Variants in HERC3 observed in about 807,000 individuals in gnomAD.
The protein encoded by HERC3 is probable E3 ubiquitin-protein ligase HERC3.
A neutral mutation model predicts 129.9 loss-of-function variants in HERC3; 58 were observed. The ratio of observed to expected loss-of-function variants is 0.45; its 90% CI spans 0.36 to 0.56. HERC3 has a LOEUF of 0.56. HERC3 is among the 20% of genes least tolerant of loss of function. The pLI, the probability that HERC3 is intolerant of heterozygous loss-of-function variation, is 0.00. For missense variants in HERC3, 835 were observed against 1,244.2 expected (o/e 0.67, Z 4.95); for synonymous variants, 430 against 451.0 (o/e 0.95, Z 0.59).
chr4:88,527,796 G>T, the HERC3 span: 1 of 328,148 alleles, frequency 3.0e-6, no homozygotes, highest in South Asian at 2.9e-5. Flanking sequence ...TCCTTGCTGA[G>T]GTGATCTTGG....
At position 88,638,340 on chromosome 4, in the gene HERC3, T is replaced by G. The variant is rs186604331; in HGVS notation, c.227-11500T>G. 7.0e-3 allele frequency among the ~76,000 whole-genome samples: 1,072 copies of G among 152,302 alleles called. 12 individuals are homozygous for G. The highest frequency in any genetic ancestry group is 0.024 in the African/African-American group (1,016 of 41,562). ...TTGATGAACATCAGTGTGAAAATCC[T>G]CAATAAAATACTGGCAAACCAAATC... On this transcript the variant is annotated intron_variant, in intron 3 of 25. Coordinates refer to ENST00000402738, the MANE Select transcript of HERC3 (RefSeq NM_014606.3).
At chr4:88,574,611 C>T in the HERC3 span, among the ~76,000 whole-genome samples, 1 of 152,188 alleles carries the variant, frequency 6.6e-6, no homozygotes, top group African/African-American at 2.4e-5. Context: ...CCCTGACAAT[C>T]ATTCTGCTGT....
At chr4:88,645,504 A>G (rs567288803) in intron 3 of HERC3, among the ~76,000 whole-genome samples, 9 of 152,290 alleles carry the variant, frequency 5.9e-5, no homozygotes, top group Admixed American at 3.3e-4. Context: ...TATATACTGT[A>G]TATAGTAGTC....
intron 19 of HERC3, among the ~76,000 whole-genome samples, chr4:88,678,612 T>C (rs567636255): frequency 1.3e-5 from 2 of 152,362 alleles, no homozygotes; most frequent in South Asian, 4.1e-4. Flanking sequence ...TCTCTCTCCA[T>C]ATATCATGCA....
chr4:88,598,546 CAAAG>C (rs1319135098), intron 2 of HERC3, among the ~76,000 whole-genome samples: 1 of 152,214 alleles, frequency 6.6e-6, no homozygotes, highest in Admixed American at 6.5e-5. Context: ...GCTGAAATCT[CAAAG>C]AAGAGCACTA....
At chr4:88,546,939 A>G in the HERC3 span, among the ~76,000 whole-genome samples, 5 of 152,182 alleles carry the variant, frequency 3.3e-5, no homozygotes, top group African/African-American at 1.2e-4. Context: ...ACCATGTGAC[A>G]TAGTTCCTAG....
the HERC3 span, among the ~76,000 whole-genome samples, chr4:88,549,825 G>T: frequency 1.3e-5 from 2 of 151,870 alleles, no homozygotes; most frequent in Non-Finnish European, 2.9e-5. Flanking sequence ...CTGCCTCAGT[G>T]TGAGAAAACA....
the HERC3 span, among the ~76,000 whole-genome samples, chr4:88,552,389 A>G: frequency 6.6e-6 from 1 of 152,012 alleles, no homozygotes; most frequent in African/African-American, 2.4e-5. Context: ...AGTAGCTGAG[A>G]TTACAGGCAC....
At chr4:88,595,149 T>C (rs573192162) in intron 1 of HERC3, among the ~76,000 whole-genome samples, 1 of 150,782 alleles carries the variant, frequency 6.6e-6, no homozygotes, top group East Asian at 1.9e-4. Flanking sequence ...GAGACAGTCT[T>C]CATAACAGTT....
chr4:88,656,245 G>A (rs568765138), intron 9 of HERC3: 6 of 567,004 alleles, frequency 1.1e-5, no homozygotes, highest in Non-Finnish European at 1.9e-5. Context: ...ATACTGTTGT[G>A]TTAGGCCGTT....
At chr4:88,595,674 T>G (rs1367107202) in intron 2 of HERC3, 60 bp downstream of exon 2, 1 of 152,050 alleles carries the variant, frequency 6.6e-6, no homozygotes, top group African/African-American at 2.4e-5. Context: ...GTCCTTTACA[T>G]GCATTATCCT....
intron 21 of HERC3, among the ~76,000 whole-genome samples, chr4:88,683,055 G>T (rs908030929): frequency 6.6e-6 from 1 of 152,160 alleles, no homozygotes; most frequent in Non-Finnish European, 1.5e-5. Flanking sequence ...GTTTTGATTT[G>T]CATTTCTCTG....
intron 23 of HERC3, chr4:88,697,503 G>A (rs768223823): frequency 6.2e-7 from 1 of 1,614,082 alleles, no homozygotes; most frequent in Non-Finnish European, 8.5e-7. Flanking sequence ...GCAGCTTTTT[G>A]AGGGCCAGGA....
chr4:88,700,033 G>A (rs1489095442), intron 23 of HERC3, among the ~76,000 whole-genome samples: 5 of 151,094 alleles, frequency 3.3e-5, no homozygotes, highest in Admixed American at 3.3e-4. Context: ...CAGTACCTCT[G>A]TTTTTTCCAG....
At chr4:88,664,324 C>A in intron 12 of HERC3, 112 bp downstream of exon 12, 1 of 822,410 alleles carries the variant, frequency 1.2e-6, no homozygotes, top group Non-Finnish European at 2.0e-6. Context: ...CTTTAGGATG[C>A]TGTGATCATG....
chr4:88,642,965 A>C (rs955142737), intron 3 of HERC3, among the ~76,000 whole-genome samples: 2 of 152,126 alleles, frequency 1.3e-5, no homozygotes, highest in Non-Finnish European at 2.9e-5. Flanking sequence ...AAGAAAAAAA[A>C]CCATCTCTAT....
intron 18 of HERC3, 82 bp from the exon 19 acceptor site, chr4:88,677,882 C>A: frequency 7.6e-7 from 1 of 1,308,008 alleles, no homozygotes; most frequent in Non-Finnish European, 1.1e-6. Flanking sequence ...GTCAGCGCCC[C>A]CAAGTCCAGA....
chr4:88,641,294 G>A (rs1728060999), intron 3 of HERC3, among the ~76,000 whole-genome samples: 1 of 152,122 alleles, frequency 6.6e-6, no homozygotes, highest in Admixed American at 6.6e-5. Flanking sequence ...CAAAATTTGT[G>A]GGATATAGCT....
intron 2 of HERC3, among the ~76,000 whole-genome samples, chr4:88,604,000 T>A (rs985440384): frequency 6.6e-6 from 1 of 152,056 alleles, no homozygotes; most frequent in African/African-American, 2.4e-5. Flanking sequence ...TACTGAGATA[T>A]AATTCACATA....
Sources: gnomAD v4.1 joint callset for allele counts (sites outside exome capture counted in the v4.1 genomes callset) on GRCh38, gnomAD v4.1.1 for gene constraint, MANE v1.5 for transcripts, NCBI Gene and HGNC (gene_info 2026-07-23, HGNC 2026-07-21) for gene names.